The following FNDC3B variants were observed in gnomAD, a reference collection of about 807,000 sequenced individuals.
FNDC3B encodes fibronectin type III domain containing 3B, also known as fibronectin type III domain-containing protein 3B.
Under a neutral mutation model 151.5 loss-of-function variants are expected in FNDC3B, and 12 were observed. The ratio of observed to expected loss-of-function variants is 0.08; its 90% CI spans 0.05 to 0.13. The LOEUF (loss-of-function observed/expected upper bound fraction) is 0.13. FNDC3B is among the 10% of genes least tolerant of loss of function. FNDC3B has a pLI of 1.00. For synonymous variants in FNDC3B, 528 were observed against 549.0 expected, an observed-to-expected ratio of 0.96 and a Z score of 0.54; for missense variants, 1,214 against 1,505.3, an observed-to-expected ratio of 0.81 and a Z score of 3.20.
intron 2 of FNDC3B, among the ~76,000 whole-genome samples, chr3:172,117,444 A>C (rs1296196514): frequency 1.3e-5 from 2 of 152,216 alleles, no homozygotes; most frequent in Admixed American, 1.3e-4. Flanking sequence ...TGTAGCAGCC[A>C]GTTTTGCGCA....
chr3:172,120,756 C>T (rs930370286), intron 2 of FNDC3B, among the ~76,000 whole-genome samples: 1 of 152,088 alleles, frequency 6.6e-6, no homozygotes, highest in African/African-American at 2.4e-5. Flanking sequence ...GGGTGGATCA[C>T]CTGAGGTCTA....
At chr3:172,051,503 A>G (rs1576818721) in intron 1 of FNDC3B, among the ~76,000 whole-genome samples, 1 of 152,136 alleles carries the variant, frequency 6.6e-6, no homozygotes, top group East Asian at 1.9e-4. Flanking sequence ...TGCCATTTAA[A>G]CTTAGCACCT....
intron 3 of FNDC3B, among the ~76,000 whole-genome samples, chr3:172,176,264 T>C (rs1723587500): frequency 6.6e-6 from 1 of 152,194 alleles, no homozygotes; most frequent in Non-Finnish European, 1.5e-5. Context: ...CCAAATGAGA[T>C]TACAACCAGC....
At chr3:172,160,816 T>G (rs1169922892) in intron 3 of FNDC3B, among the ~76,000 whole-genome samples, 2 of 152,244 alleles carry the variant, frequency 1.3e-5, no homozygotes, top group African/African-American at 4.8e-5. Context: ...GCCACAACTG[T>G]CATAAATCCA....
chr3:172,359,711 A>C (rs1186742631), intron 22 of FNDC3B, among the ~76,000 whole-genome samples: 1 of 152,178 alleles, frequency 6.6e-6, no homozygotes, highest in Non-Finnish European at 1.5e-5. Flanking sequence ...TAATACCATA[A>C]AGCAATCTTA....
rs1224893473 is a variant in FNDC3B, at chr3:172,040,169, C to T, written c.-29+398C>T. On this transcript the variant is annotated intron_variant, in intron 1 of 25. Transcript: ENST00000415807. This position sits in a 1 kb window ranked among gnomAD's most constrained non-coding sequence, Gnocchi z 6.6. ...GAATCCGCTCCCCCTCCCGGAATCT[C>T]CGCGGCAGGAACGCTGCCCAGGAGG... Among the ~76,000 whole-genome samples, 5 of 152,230 alleles carry T rather than the reference C, an allele frequency of 3.3e-5. No homozygotes were observed. In the East Asian group the frequency reaches 9.6e-4, roughly 29 times the overall value.
At chr3:172,115,254 C>T (rs1321969661) in intron 2 of FNDC3B, among the ~76,000 whole-genome samples, 4 of 152,092 alleles carry the variant, frequency 2.6e-5, no homozygotes, top group Non-Finnish European at 5.9e-5. Context: ...GGCTTGGGGC[C>T]TGTGGGTTGA....
At chr3:172,359,713 G>A (rs1048447879) in intron 22 of FNDC3B, among the ~76,000 whole-genome samples, 1 of 152,022 alleles carries the variant, frequency 6.6e-6, no homozygotes, top group Admixed American at 6.6e-5. Flanking sequence ...ATACCATAAA[G>A]CAATCTTATA....
chr3:172,317,046 C>T, intron 11 of FNDC3B: 1 of 395,306 alleles, frequency 2.5e-6, no homozygotes. Flanking sequence ...GAACCCACTC[C>T]TGTGATAACA....
chr3:172,049,454 C>G (rs1224416235), intron 1 of FNDC3B, among the ~76,000 whole-genome samples: 1 of 152,208 alleles, frequency 6.6e-6, no homozygotes. Context: ...CTGAATAGCA[C>G]AGCGAGTCAT....
chr3:172,084,201 T>C (rs10936710), intron 1 of FNDC3B, among the ~76,000 whole-genome samples: 98,081 of 151,800 alleles, frequency 0.65, 31,836 homozygotes, highest in East Asian at 0.78. Context: ...TTAATCCCAG[T>C]AGCTTGGGAG....
intron 4 of FNDC3B, among the ~76,000 whole-genome samples, chr3:172,229,080 AAGAAACAC>A (rs1293536322): frequency 6.5e-5 from 8 of 122,310 alleles, no homozygotes; most frequent in Non-Finnish European, 1.3e-4. Flanking sequence ...TGTAGAAAGA[AAGAAACAC>A]ACACACACAC....
chr3:172,296,931 G>A lies in FNDC3B; in HGVS notation c.1001+1417G>A, dbSNP rs193172378. 1.4e-3 allele frequency among the ~76,000 whole-genome samples: 208 copies of A among 152,214 alleles called. 2 individuals carry two copies. Among genetic ancestry groups the A allele is most frequent in the African/African-American group, 4.7e-3 (196 of 41,524 alleles). ...GGTACTGATTCCTTGTGTATACTGC[G>A]GGACAACTGTGGATAGAGTCTTTTC... On this transcript the variant is annotated intron_variant, in intron 8 of 25. Transcript: ENST00000415807.
At chr3:172,095,906 T>C (rs1231183390) in intron 1 of FNDC3B, among the ~76,000 whole-genome samples, 1 of 152,254 alleles carries the variant, frequency 6.6e-6, no homozygotes, top group Non-Finnish European at 1.5e-5. Flanking sequence ...GTGAACACCT[T>C]CCTATGTTAG....
chr3:172,162,653 T>TA (rs1478640732), intron 3 of FNDC3B, among the ~76,000 whole-genome samples: 3 of 108,996 alleles, frequency 2.8e-5, no homozygotes, highest in Non-Finnish European at 5.6e-5. Flanking sequence ...CACTTGTTAT[T>TA]ACCTGGTTTT....
chr3:172,135,281 G>GT (rs1188318783), intron 3 of FNDC3B, among the ~76,000 whole-genome samples: 3 of 151,910 alleles, frequency 2.0e-5, no homozygotes, highest in Non-Finnish European at 4.4e-5. Context: ...GTATATATGT[G>GT]TTTTTTGTGT....
intron 3 of FNDC3B, among the ~76,000 whole-genome samples, chr3:172,156,644 T>C (rs1283937954): frequency 6.6e-6 from 1 of 151,994 alleles, no homozygotes; most frequent in Non-Finnish European, 1.5e-5. Flanking sequence ...CTGGAAAACC[T>C]AACCATGAAA....
intron 4 of FNDC3B, among the ~76,000 whole-genome samples, chr3:172,239,856 CTTTTTTTTTTTTTTTTTT>C (rs71179981): frequency 4.0e-5 from 2 of 49,914 alleles, no homozygotes; most frequent in Admixed American, 3.2e-4. Context: ...CATTTTAGTT[CTTTTTTTTTTTTTTTTTT>C]TTTTTTTTTT....
At chr3:172,353,329 T>G (rs1308277828) in intron 22 of FNDC3B, among the ~76,000 whole-genome samples, 1 of 152,192 alleles carries the variant, frequency 6.6e-6, no homozygotes, top group Non-Finnish European at 1.5e-5. Context: ...CAGAGTGGAC[T>G]CAAATCCTCA....
Sources: gnomAD v4.1 joint callset for allele counts (sites outside exome capture counted in the v4.1 genomes callset) on GRCh38, gnomAD v4.1.1 for gene constraint, Gnocchi (gnomAD v3.1) non-coding constraint, MANE v1.5 for transcripts, NCBI Gene and HGNC (gene_info 2026-07-23, HGNC 2026-07-21) for gene names.